The following NELL1 variants were observed in gnomAD, a reference collection of about 807,000 sequenced individuals.
NELL1 encodes neural EGFL like 1.
A neutral mutation model predicts 107.4 loss-of-function variants in NELL1; 76 were observed. The ratio of observed to expected loss-of-function variants is 0.71; its 90% CI spans 0.59 to 0.86. The LOEUF (loss-of-function observed/expected upper bound fraction) is 0.86, where lower values mean the gene tolerates loss of function less well. NELL1 is among the 40% of genes least tolerant of loss of function. The pLI is 0.00. For synonymous variants in NELL1, 353 were observed against 341.2 expected (o/e 1.03, Z -0.38); for missense variants, 1,024 against 1,005.5 (o/e 1.02, Z -0.25).
At chr11:21,015,761 A>G (rs550174768) in intron 12 of NELL1, among the ~76,000 whole-genome samples, 7 of 152,076 alleles carry the variant, frequency 4.6e-5, no homozygotes, top group Middle Eastern at 3.4e-3. Context: ...TCTCCTTTAC[A>G]GGTGTTAACA....
chr11:20,712,918 G>A (rs1434160377), intron 2 of NELL1, among the ~76,000 whole-genome samples: 2 of 152,196 alleles, frequency 1.3e-5, no homozygotes, highest in Non-Finnish European at 2.9e-5. Context: ...GTCCTTGGTT[G>A]TAAATATGTT....
At chr11:21,500,088 T>G (rs1422736948) in intron 15 of NELL1, among the ~76,000 whole-genome samples, 1 of 152,112 alleles carries the variant, frequency 6.6e-6, no homozygotes, top group African/African-American at 2.4e-5. Context: ...TAATGAGAAT[T>G]TATTATTTTG....
At chr11:21,553,162 G>A (rs572710189) in intron 16 of NELL1, among the ~76,000 whole-genome samples, 76 of 151,916 alleles carry the variant, frequency 5.0e-4, no homozygotes, top group African/African-American at 1.8e-3. Flanking sequence ...GAAGAGAGAA[G>A]AAATAATTCC....
intron 15 of NELL1, among the ~76,000 whole-genome samples, chr11:21,494,696 T>G (rs1854929485): frequency 6.6e-6 from 1 of 151,978 alleles, no homozygotes; most frequent in Non-Finnish European, 1.5e-5. Flanking sequence ...CAACAGTAAT[T>G]TTTATAACTG....
At chr11:21,573,992 G>T (rs1857163284) in intron 19 of NELL1, among the ~76,000 whole-genome samples, 1 of 151,664 alleles carries the variant, frequency 6.6e-6, no homozygotes, top group South Asian at 2.1e-4. Flanking sequence ...TTTTTGGAGG[G>T]GTTTTCATGA....
intron 14 of NELL1, among the ~76,000 whole-genome samples, chr11:21,333,013 C>T (rs1850306180): frequency 6.6e-6 from 1 of 151,938 alleles, no homozygotes; most frequent in African/African-American, 2.4e-5. Context: ...GTGCATATCA[C>T]AGGAAAGTGG....
chr11:21,370,593 G>A (rs1465620513), intron 14 of NELL1, among the ~76,000 whole-genome samples: 2 of 151,894 alleles, frequency 1.3e-5, no homozygotes, highest in African/African-American at 2.4e-5. Context: ...AAGTTATAGC[G>A]GTTACTACTA....
chr11:21,225,945 A>T (rs1857881874), intron 13 of NELL1, among the ~76,000 whole-genome samples: 1 of 152,178 alleles, frequency 6.6e-6, no homozygotes, highest in African/African-American at 2.4e-5. Context: ...TGGGTAACTT[A>T]CTTAAGTAGA....
At position 21,477,613 on chromosome 11, in the gene NELL1, A is replaced by G. The variant is rs77240117; in HGVS notation, c.1646-56761A>G. The stretch of plus-strand genomic sequence containing the variant: ...TACAAATAAGCCTAAACTATGAAGA[A>G]TATAATAAATACCTAACTCTGCCCA... On this transcript the variant is annotated intron_variant, in intron 15 of 19. Transcript: ENST00000357134. Among the ~76,000 whole-genome samples the G allele has an allele frequency of 6.1e-3, 935 of 152,182 alleles. 11 individuals are homozygous for G. Among genetic ancestry groups the G allele is most frequent in the African/African-American group, 0.02 (824 of 41,520 alleles).
intron 13 of NELL1, among the ~76,000 whole-genome samples, chr11:21,162,743 C>T (rs1159792732): frequency 6.6e-6 from 1 of 152,100 alleles, no homozygotes; most frequent in Non-Finnish European, 1.5e-5. Context: ...AGAGAATAAA[C>T]AGAGCCGGAG....
rs1016573404 is a variant in NELL1 at position 21,440,257 on chromosome 11, A to C, written c.1645+69309A>C. Among the ~76,000 whole-genome samples, 8 of 152,262 alleles carry C rather than the reference A, an allele frequency of 5.3e-5. No individual in the cohort carries two copies. In the South Asian group the frequency reaches 6.2e-4, roughly 12 times the overall value. On this transcript the variant is annotated intron_variant, in intron 15 of 19. Coordinates refer to ENST00000357134, the MANE Select transcript of NELL1 (RefSeq NM_006157.5). ...GGGTCAATGCTCTAAGTTATTTTAA[A>C]CATCAGCCTACTTTCTGTCTTTATT...
chr11:21,525,682 G>A (rs982214172), intron 15 of NELL1, among the ~76,000 whole-genome samples: 4 of 152,140 alleles, frequency 2.6e-5, no homozygotes, highest in African/African-American at 9.7e-5. Context: ...ACATGGCTGG[G>A]GAGGCCTCAC....
rs78446993 is a variant in NELL1 at position 21,100,579 on chromosome 11, T to C, written c.1301-13010T>C. Among the ~76,000 whole-genome samples the C allele has an allele frequency of 3.3e-5, 5 of 152,280 alleles. No individual in the cohort carries two copies. The East Asian group carries it at 9.7e-4, about 30-fold the overall frequency. ...GCCTAAACATGGAATTACCATATGATCCAACAATTCCATTTGTAGACATAT... is the reference window on the plus strand; with the variant it reads ...GCCTAAACATGGAATTACCATATGACCCAACAATTCCATTTGTAGACATAT... On this transcript the variant is annotated intron_variant, in intron 12 of 19. Transcript: ENST00000357134.
chr11:20,672,978 C>G lies in NELL1; in HGVS notation c.55+3200C>G, dbSNP rs904594677. On this transcript the variant is annotated intron_variant, in intron 1 of 19. Transcript: ENST00000357134. The stretch of plus-strand genomic sequence containing the variant: ...GTGATTCTCCTGCCTCAGCCCCCCC[C>G]CCCCCCCCCGAGTAGCTGGGATTAC... 4.4e-4 allele frequency among the ~76,000 whole-genome samples: 18 copies of G among 41,164 alleles called. 1 individual carries two copies. The highest frequency in any genetic ancestry group is 1.4e-3 in the African/African-American group (8 of 5,656). The allele number at this position is 41,164 out of a possible 152,430, so 27.0% of individuals were successfully genotyped here.
chr11:20,678,188 GT>G, intron 2 of NELL1, 128 bp downstream of exon 2: 1 of 1,013,484 alleles, frequency 9.9e-7, no homozygotes, highest in South Asian at 1.4e-5. Context: ...TGTCTTGAGT[GT>G]TTAGATATGC....
chr11:21,444,155 T>A (rs1853360576), intron 15 of NELL1, among the ~76,000 whole-genome samples: 1 of 152,166 alleles, frequency 6.6e-6, no homozygotes. Flanking sequence ...ATTTTTCACT[T>A]AACAGGGTAT....
intron 14 of NELL1, among the ~76,000 whole-genome samples, chr11:21,234,396 G>T (rs978049582): frequency 2.0e-5 from 3 of 152,102 alleles, no homozygotes; most frequent in Admixed American, 1.3e-4. Flanking sequence ...GGCCCATCTT[G>T]CCACTTGGTA....
At chr11:20,959,710 T>A (rs1361820047) in intron 11 of NELL1, among the ~76,000 whole-genome samples, 1 of 152,154 alleles carries the variant, frequency 6.6e-6, no homozygotes, top group Non-Finnish European at 1.5e-5. Context: ...ACAAATTGGA[T>A]GCAGAGTATA....
At chr11:20,853,182 G>A (rs1473332211) in intron 4 of NELL1, among the ~76,000 whole-genome samples, 1 of 152,222 alleles carries the variant, frequency 6.6e-6, no homozygotes, top group African/African-American at 2.4e-5. Flanking sequence ...AGAAAACCAT[G>A]TATGGGTAAG....
Sources: allele counts gnomAD v4.1 joint callset (sites outside exome capture counted in the v4.1 genomes callset), GRCh38; gene constraint gnomAD v4.1.1; transcripts MANE v1.5; gene names NCBI Gene and HGNC (gene_info 2026-07-23, HGNC 2026-07-21).